MYPN: variants seen among roughly 807,000 people sequenced by gnomAD.
MYPN encodes the protein myopalladin.
MYPN carries 63 observed loss-of-function variants against 129.4 expected under a neutral mutation model. That is an observed-to-expected ratio of 0.49 (90% CI 0.40 to 0.60). The LOEUF (loss-of-function observed/expected upper bound fraction) is 0.60, where lower values mean the gene tolerates loss of function less well. MYPN is among the 20% of genes least tolerant of loss of function. The pLI is 0.00. For missense variants in MYPN, 1,596 were observed against 1,635.4 expected, an observed-to-expected ratio of 0.98 and a Z score of 0.42; for synonymous variants, 629 against 600.9, an observed-to-expected ratio of 1.05 and a Z score of -0.68.
intron 10 of MYPN, among the ~76,000 whole-genome samples, chr10:68,169,312 C>A (rs1050103550): frequency 4.0e-5 from 6 of 149,566 alleles, no homozygotes; most frequent in Non-Finnish European, 7.4e-5. Context: ...GGGCCAAGAT[C>A]GCGTTACTGC....
At chr10:68,146,178 A>G (rs1367441063) in intron 4 of MYPN, among the ~76,000 whole-genome samples, 1 of 152,228 alleles carries the variant, frequency 6.6e-6, no homozygotes, top group African/African-American at 2.4e-5. Context: ...AGCATCAACC[A>G]GGTTTTTCTG....
At chr10:68,192,860 T>C (rs2043538470) in intron 13 of MYPN, among the ~76,000 whole-genome samples, 2 of 152,114 alleles carry the variant, frequency 1.3e-5, no homozygotes, top group African/African-American at 4.8e-5. Flanking sequence ...ATCAGTTGTA[T>C]TGTTTCCTTT....
intron 14 of MYPN, 90 bp downstream of exon 14, chr10:68,194,602 T>A: frequency 7.1e-7 from 1 of 1,409,118 alleles, no homozygotes; most frequent in Non-Finnish European, 9.9e-7. Context: ...TGCGAGTTAC[T>A]AAGGATTGCT....
chr10:68,141,004 T>C (rs1051278560), intron 2 of MYPN, among the ~76,000 whole-genome samples: 1 of 150,276 alleles, frequency 6.7e-6, no homozygotes, highest in Non-Finnish European at 1.5e-5. Flanking sequence ...CCCGGGGAGG[T>C]TGAGGCTGGA....
At chr10:68,172,558 T>C (rs1386252867) in intron 10 of MYPN, among the ~76,000 whole-genome samples, 1 of 152,178 alleles carries the variant, frequency 6.6e-6, no homozygotes, top group African/African-American at 2.4e-5. Context: ...AATAACTCTT[T>C]TGTGAAGAGA....
chr10:68,135,202 C>T (rs1163267908), intron 2 of MYPN, among the ~76,000 whole-genome samples: 3 of 152,184 alleles, frequency 2.0e-5, no homozygotes, highest in Non-Finnish European at 4.4e-5. Context: ...ATCCACCTGC[C>T]TCAGCCTCCC....
chr10:68,151,007 A>T (rs2042760180), intron 6 of MYPN, among the ~76,000 whole-genome samples: 1 of 152,138 alleles, frequency 6.6e-6, no homozygotes, highest in African/African-American at 2.4e-5. Context: ...TTTTGTTGTC[A>T]CAGCTGGGGG....
At position 68,206,757 on chromosome 10, in the gene MYPN, T is replaced by C; in HGVS notation, c.3660-13T>C. 6.2e-7 allele frequency: 1 copy of C among 1,614,170 alleles called. No individual in the cohort carries two copies. The highest frequency in any genetic ancestry group is 1.3e-5 in the African/African-American group (1 of 75,034). ...CCCGATAAAATATAGGTATATTCTC[T>C]CTTTTTCTCCAGTATGCACCAGGAC... On this transcript the variant is annotated splice_polypyrimidine_tract_variant and intron_variant, in intron 18 of 19. Coordinates refer to ENST00000358913, the MANE Select transcript of MYPN (RefSeq NM_032578.4).
At chr10:68,115,547 G>A (rs1463135025) in intron 1 of MYPN, among the ~76,000 whole-genome samples, 1 of 152,148 alleles carries the variant, frequency 6.6e-6, no homozygotes. Context: ...ATTGGTCCAA[G>A]CCACCATCAT....
upstream of MYPN, among the ~76,000 whole-genome samples, chr10:68,107,757 G>A (rs1011429698): frequency 1.3e-5 from 2 of 152,050 alleles, no homozygotes; most frequent in Non-Finnish European, 2.9e-5. Flanking sequence ...CTTTTAGTAT[G>A]AGTCTCCTTC....
rs994938710 is a variant in MYPN, at chr10:68,197,994, C to T, written c.3285+516C>T. Among the ~76,000 whole-genome samples, 3 of 152,040 alleles carry T rather than the reference C, an allele frequency of 2.0e-5. 1 individual carries two copies. The South Asian group carries it at 6.2e-4, about 32-fold the overall frequency. On this transcript the variant is annotated intron_variant, in intron 16 of 19. Coordinates refer to ENST00000358913, the MANE Select transcript of MYPN (RefSeq NM_032578.4). ...ATGAGATTTCATCATGTACTCGGAA[C>T]GAAACACAATTGAAAACTTAGAAAC...
intron 19 of MYPN, among the ~76,000 whole-genome samples, chr10:68,208,172 G>GA (rs1346164246): frequency 1.3e-5 from 2 of 151,672 alleles, no homozygotes; most frequent in African/African-American, 4.8e-5. Context: ...AATCCTTTTT[G>GA]AAAAAACATA....
chr10:68,112,311 G>A (rs1289823783), intron 1 of MYPN, among the ~76,000 whole-genome samples: 2 of 152,154 alleles, frequency 1.3e-5, no homozygotes, highest in African/African-American at 2.4e-5. Context: ...TGGCTGCAGT[G>A]TCTTTCACTA....
At chr10:68,104,931 G>A (rs570818866), upstream of MYPN, among the ~76,000 whole-genome samples, 9 of 151,916 alleles carry the variant, frequency 5.9e-5, no homozygotes, top group East Asian at 5.8e-4. Context: ...TTACAGGCAC[G>A]CACCACCACG....
At chr10:68,163,535 G>A (rs909182537) in intron 8 of MYPN, among the ~76,000 whole-genome samples, 6 of 151,910 alleles carry the variant, frequency 3.9e-5, no homozygotes, top group East Asian at 1.9e-4. Flanking sequence ...AGGCTGAGGC[G>A]AGAGAATGGT....
Position 68,189,078 on chromosome 10 carries a change from C to T in MYPN, c.2877C>T (p.Gly959=), listed in dbSNP as rs550033843. 3.3e-5 allele frequency: 54 copies of T among 1,614,162 alleles called. No individual in the cohort carries two copies. In the South Asian group the frequency reaches 5.3e-4, roughly 16 times the overall value. ...TCAAGCACTTCCGGGTCACAGAAGG[C>T]TCTCCAGTTACATTCACCTGCAAAA... ...KRLKHFRVTE[G]SPVTFTCKIV... is the part of the protein sequence containing the mutation. Residue 959 remains glycine (G), a synonymous_variant, in exon 13 of 20, where the codon GGC becomes GGT. Transcript: ENST00000358913.
chr10:68,175,458 G>A lies in MYPN; in HGVS notation c.2700G>A (p.Gln900=). 1 of 1,614,072 alleles carries A rather than the reference G, an allele frequency of 6.2e-7. No individual in the cohort carries two copies. The highest frequency in any genetic ancestry group is 8.5e-7 in the Non-Finnish European group (1 of 1,179,912). Residue 900 remains glutamine, a synonymous_variant, in exon 12 of 20, where the codon CAG becomes CAA. Coordinates refer to ENST00000358913, the MANE Select transcript of MYPN (RefSeq NM_032578.4). ...CTTTCAGTGATGTCAGACCAAACCA[G>A]CAGGTAAGATTGTTGGATTTAGAAG... ...KITFSDVRPN[Q]QEYKISSFEQ... is the part of the protein sequence containing the mutation.
intron 2 of MYPN, among the ~76,000 whole-genome samples, chr10:68,129,601 T>C (rs904323918): frequency 1.1e-4 from 16 of 152,194 alleles, no homozygotes; most frequent in African/African-American, 3.9e-4. Flanking sequence ...GGGCATAAAA[T>C]TGCTGGCAGA....
intron 5 of MYPN, among the ~76,000 whole-genome samples, chr10:68,149,493 T>C (rs2042729596): frequency 6.6e-6 from 1 of 152,072 alleles, no homozygotes; most frequent in Admixed American, 6.6e-5. Context: ...AGAGACGAGA[T>C]CTCACTGTGT....
Sources: allele counts gnomAD v4.1 joint callset (sites outside exome capture counted in the v4.1 genomes callset), GRCh38; gene constraint gnomAD v4.1.1; transcripts MANE v1.5; gene names NCBI Gene and HGNC (gene_info 2026-07-23, HGNC 2026-07-21).